Variants in DNAH11 observed in about 807,000 individuals in gnomAD.
The protein encoded by DNAH11 is axonemal beta dynein heavy chain 11.
DNAH11 carries 442 observed loss-of-function variants against 526.0 expected under a neutral mutation model. That is an observed-to-expected ratio of 0.84 (90% CI 0.78 to 0.91). DNAH11 has a LOEUF of 0.91. Ranked by LOEUF, DNAH11 falls within the 40% of genes least tolerant of loss-of-function variation. The pLI is 0.00. For missense variants in DNAH11, 6,989 were observed against 5,448.7 expected (o/e 1.28, Z -8.90); for synonymous variants, 2,461 against 1,935.9 (o/e 1.27, Z -7.12).
intron 20 of DNAH11, among the ~76,000 whole-genome samples, chr7:21,612,554 C>CA (rs34356379): frequency 0.11 from 8,925 of 80,798 alleles, 569 homozygotes; most frequent in Middle Eastern, 0.15. Context: ...GGCTCCGTCT[C>CA]AAAAAAAAAA....
intron 2 of DNAH11, among the ~76,000 whole-genome samples, chr7:21,551,754 C>G (rs6461580): frequency 0.67 from 102,633 of 152,134 alleles, 36,400 homozygotes; most frequent in East Asian, 0.95. Flanking sequence ...TCTAACTTTT[C>G]TTTGGTATTC....
chr7:21,749,630 G>A (rs948656164), intron 52 of DNAH11, 48 bp from the exon 53 acceptor site: 4 of 1,607,116 alleles, frequency 2.5e-6, no homozygotes, highest in Non-Finnish European at 2.6e-6. Flanking sequence ...ACCTCTCAAC[G>A]CCGCATCAGC....
intron 6 of DNAH11, among the ~76,000 whole-genome samples, chr7:21,567,283 G>A (rs1460341623): frequency 6.6e-6 from 1 of 151,914 alleles, no homozygotes; most frequent in Non-Finnish European, 1.5e-5. Context: ...CACATTTTAT[G>A]TTTTCTATAA....
At chr7:21,779,557 A>T (rs75249231) in intron 57 of DNAH11, among the ~76,000 whole-genome samples, 5,692 of 152,278 alleles carry the variant, frequency 0.037, 145 homozygotes, top group Non-Finnish European at 0.056. Flanking sequence ...GTCCTAAGCT[A>T]AATTTGTTCT....
intron 65 of DNAH11, among the ~76,000 whole-genome samples, chr7:21,840,538 G>A (rs1782166550): frequency 2.6e-5 from 4 of 152,112 alleles, no homozygotes; most frequent in African/African-American, 2.4e-5. Flanking sequence ...ACTCTAAGCA[G>A]CTTAGGCCGC....
chr7:21,882,448 T>C lies in DNAH11; in HGVS notation c.12387+1555T>C, dbSNP rs181264060. On this transcript the variant is annotated intron_variant, in intron 75 of 81. Coordinates refer to ENST00000409508, the MANE Select transcript of DNAH11 (RefSeq NM_001277115.2). ...GTACAAAATGGCCTTTTCAAGAAAG[T>C]ATATGTAAAAAACAAAGACCAGGAT... Among the ~76,000 whole-genome samples the C allele has an allele frequency of 1.9e-4, 29 of 152,288 alleles. No individual in the cohort carries two copies. In the East Asian group the frequency reaches 5.4e-3, roughly 28 times the overall value.
At position 21,591,036 on chromosome 7, in the gene DNAH11, G is replaced by GT. The variant is rs1276338261; in HGVS notation, c.2274+16dup. 2 of 1,466,376 alleles carry GT rather than the reference G, an allele frequency of 1.4e-6. No individual in the cohort carries two copies. The highest frequency in any genetic ancestry group is 1.8e-6 in the Non-Finnish European group (2 of 1,112,934). The allele number at this position is 1,466,376 out of a possible 1,614,324, so 90.8% of individuals were successfully genotyped here. A position where few individuals can be genotyped will look rare whatever the true frequency, so the allele number is the denominator to read the frequency against. ...ACTATTTTAAAGGTTTGTGATTTTT[G>GT]TTAAAAAAAAGATACTAGGGCCTAT... On this transcript the variant is annotated intron_variant, in intron 13 of 81. Transcript: ENST00000409508.
chr7:21,571,122 G>A (rs974869056), intron 7 of DNAH11, among the ~76,000 whole-genome samples: 6 of 152,068 alleles, frequency 3.9e-5, no homozygotes, highest in African/African-American at 1.2e-4. Flanking sequence ...TCCTGGGCTC[G>A]CTTTCAATAA....
rs192006794 is a variant in DNAH11, at chr7:21,837,241, C to G, written c.10692-5303C>G. On this transcript the variant is annotated intron_variant, in intron 65 of 81. Transcript: ENST00000409508. ...ATCCAGCAGTTCTACTATGATGTAT[C>G]AAAAGGAAATGAAATCAGCATGTCA... Among the ~76,000 whole-genome samples the G allele has an allele frequency of 2.0e-3, 307 of 152,178 alleles. 2 individuals carry two copies. Among genetic ancestry groups the G allele is most frequent in the African/African-American group, 7.3e-3 (302 of 41,534 alleles).
intron 44 of DNAH11, among the ~76,000 whole-genome samples, chr7:21,721,793 G>T (rs1784885943): frequency 6.6e-6 from 1 of 152,048 alleles, no homozygotes; most frequent in Non-Finnish European, 1.5e-5. Context: ...ATCACAATTC[G>T]GTTTGTAGCA....
chr7:21,703,952 C>T (rs1337982865), intron 37 of DNAH11, among the ~76,000 whole-genome samples: 2 of 152,056 alleles, frequency 1.3e-5, no homozygotes, highest in East Asian at 3.9e-4. Flanking sequence ...ATGCTTAACT[C>T]CTGCTGTAGA....
chr7:21,789,419 A>G (rs1788337711), intron 61 of DNAH11, 77 bp downstream of exon 61: 1 of 902,438 alleles, frequency 1.1e-6, no homozygotes, highest in Non-Finnish European at 1.7e-6. Context: ...ACCCTCAGAC[A>G]GCACCATATC....
chr7:21,590,459 G>A (rs1784631066), intron 12 of DNAH11, among the ~76,000 whole-genome samples: 1 of 152,170 alleles, frequency 6.6e-6, no homozygotes, highest in African/African-American at 2.4e-5. Context: ...TTCACTATTA[G>A]TGATTACCTG....
intron 30 of DNAH11, among the ~76,000 whole-genome samples, chr7:21,678,206 T>G (rs1298500751): frequency 6.6e-6 from 1 of 151,870 alleles, no homozygotes; most frequent in African/African-American, 2.4e-5. Context: ...CAGTTTCAGG[T>G]CTTATCTTTA....
intron 58 of DNAH11, among the ~76,000 whole-genome samples, chr7:21,785,259 T>G (rs899849404): frequency 2.0e-5 from 3 of 152,188 alleles, no homozygotes; most frequent in Non-Finnish European, 4.4e-5. Flanking sequence ...AAATCCTGAA[T>G]TCGTTTTGTA....
chr7:21,744,489 C>T lies in DNAH11; in HGVS notation c.8206C>T (p.His2736Tyr). ...ECLKGPLDLI[H>Y]LWLHESARVY... ...TTTAAAAGGTCCACTTGATTTAATACATCTGTGGCTTCATGAATCTGCCCG... is the reference window on the plus strand; with the variant it reads ...TTTAAAAGGTCCACTTGATTTAATATATCTGTGGCTTCATGAATCTGCCCG... The change falls in exon 50 of 82, where the codon CAT becomes TAT. Residue 2736 changes from histidine (H) to tyrosine (Y), a missense_variant. Physicochemically the swap from His to Tyr is moderately conservative, Grantham distance 83 (BLOSUM62 2). Coordinates refer to ENST00000409508, the MANE Select transcript of DNAH11 (RefSeq NM_001277115.2). 1 of 1,613,902 alleles carries T rather than the reference C, an allele frequency of 6.2e-7. No individual in the cohort carries two copies. Among genetic ancestry groups the T allele is most frequent in the South Asian group, 1.1e-5 (1 of 91,078 alleles).
intron 35 of DNAH11, among the ~76,000 whole-genome samples, chr7:21,694,846 T>G (rs906804069): frequency 6.6e-6 from 1 of 152,196 alleles, no homozygotes; most frequent in East Asian, 1.9e-4. Context: ...TTTCTCCACG[T>G]TCTCGCCAGC....
intron 34 of DNAH11, among the ~76,000 whole-genome samples, chr7:21,688,855 C>T (rs377118701): frequency 1.2e-4 from 18 of 152,288 alleles, no homozygotes; most frequent in Admixed American, 3.9e-4. Context: ...GTATGCAGCA[C>T]AATTCTGGTT....
intron 73 of DNAH11, among the ~76,000 whole-genome samples, chr7:21,869,419 C>A (rs893341251): frequency 4.0e-5 from 6 of 151,878 alleles, no homozygotes; most frequent in African/African-American, 1.5e-4. Flanking sequence ...AAAACCAGGT[C>A]CTTGTCACAC....
Sources: gnomAD v4.1 joint callset for allele counts (sites outside exome capture counted in the v4.1 genomes callset) on GRCh38, gnomAD v4.1.1 for gene constraint, MANE v1.5 for transcripts, NCBI Gene and HGNC (gene_info 2026-07-23, HGNC 2026-07-21) for gene names.